Variants in MYO7A observed in about 807,000 individuals in gnomAD.
MYO7A encodes myosin VIIA.
Under a neutral mutation model 263.8 loss-of-function variants are expected in MYO7A, and 210 were observed. The observed-to-expected ratio is 0.80, with a 90% CI of 0.71 to 0.89. The LOEUF is 0.89. Among genes scored for constraint, MYO7A ranks in the 40% least tolerant of loss-of-function variants. MYO7A has a pLI of 0.00. For missense variants in MYO7A, 2,820 were observed against 2,968.3 expected (o/e 0.95, Z 1.16); for synonymous variants, 1,239 against 1,197.3 (o/e 1.03, Z -0.72).
At chr11:77,190,361 C>T (rs993166496) in intron 29 of MYO7A, among the ~76,000 whole-genome samples, 2 of 152,226 alleles carry the variant, frequency 1.3e-5, no homozygotes, top group South Asian at 2.1e-4. Context: ...ACGGTCAAGA[C>T]GACTTGGGCA....
At chr11:77,189,315 C>A in intron 27 of MYO7A, 29 bp from the exon 28 acceptor site, 1 of 1,611,312 alleles carries the variant, frequency 6.2e-7, no homozygotes, top group Non-Finnish European at 8.5e-7. Context: ...TGGGGTGATT[C>A]CCCCTCCCTT....
chr11:77,160,315 C>T, intron 11 of MYO7A, 33 bp downstream of exon 11: 1 of 1,541,040 alleles, frequency 6.5e-7, no homozygotes, highest in Non-Finnish European at 8.8e-7. Flanking sequence ...CTTGCTCGCC[C>T]TACCCCTTGG....
intron 46 of MYO7A, 136 bp from the exon 47 acceptor site, chr11:77,212,816 A>C (rs530308197): frequency 5.4e-6 from 4 of 735,524 alleles, no homozygotes; most frequent in Admixed American, 2.1e-5. Context: ...GCCATAGGTC[A>C]TGGCAGGGCC....
chr11:77,199,504 G>T, intron 34 of MYO7A, 31 bp from the exon 35 acceptor site: 2 of 1,459,284 alleles, frequency 1.4e-6, no homozygotes, highest in South Asian at 2.9e-5. Context: ...GTTGGGGCAT[G>T]ACTGACTCAA....
chr11:77,151,953 C>T (rs1457305101), intron 4 of MYO7A, among the ~76,000 whole-genome samples: 2 of 152,222 alleles, frequency 1.3e-5, no homozygotes, highest in South Asian at 2.1e-4. Flanking sequence ...CTACCCCCCA[C>T]ACATCTGCTG....
chr11:77,206,360 C>T (rs747711690), intron 41 of MYO7A, among the ~76,000 whole-genome samples, 158 bp downstream of exon 41: 9 of 152,198 alleles, frequency 5.9e-5, no homozygotes, highest in African/African-American at 1.2e-4. Flanking sequence ...CGAAGGCCAT[C>T]GACTCCCCAG....
intron 10 of MYO7A, 99 bp from the exon 11 acceptor site, chr11:77,160,064 G>A: frequency 6.8e-6 from 10 of 1,478,034 alleles, no homozygotes; most frequent in Non-Finnish European, 9.0e-6. Context: ...TGGAGGCAGT[G>A]GTCTGGGCCA....
chr11:77,190,967 C>G, intron 30 of MYO7A, 97 bp downstream of exon 30: 1 of 1,332,786 alleles, frequency 7.5e-7, no homozygotes, highest in Non-Finnish European at 1.0e-6. Context: ...GCTATTCACC[C>G]TTGAGCACCT....
In MYO7A at chr11:77,175,433, G is replaced by A. The variant is rs1555079548; in HGVS notation, c.2156G>A (p.Trp719Ter). The A allele has an allele frequency of 1.2e-6, 2 of 1,613,350 alleles. No individual in the cohort carries two copies. Among genetic ancestry groups the A allele is most frequent in the Non-Finnish European group, 1.7e-6 (2 of 1,179,878 alleles). Residue 719 changes from tryptophan to a stop codon, truncating the protein, a stop_gained, in exon 18 of 49, where the codon TGG (tryptophan) becomes TAG (stop). Transcript: ENST00000409709. LOFTEE classifies it high-confidence loss of function. ...AEAVLGTHDDWQIGKTKIFLK... is the reference protein window; with the variant it reads ...AEAVLGTHDD ...GCTGTGCTGGGCACCCACGATGACT[G>A]GCAGATAGGCAAAACCAAGATCTTT...
chr11:77,176,626 T>TA (rs1182989645), intron 18 of MYO7A, among the ~76,000 whole-genome samples: 1 of 152,104 alleles, frequency 6.6e-6, no homozygotes, highest in African/African-American at 2.4e-5. Flanking sequence ...GCCCCTGACT[T>TA]ACACTGCTAG....
intron 1 of MYO7A, 24 bp from the exon 2 acceptor site, chr11:77,130,565 A>G (rs1233391302): frequency 1.2e-4 from 184 of 1,587,950 alleles, no homozygotes; most frequent in Non-Finnish European, 1.5e-4. Flanking sequence ...GCCCAGAAGC[A>G]TGACATGGTC....
Position 77,199,743 on chromosome 11 carries a change from C to T in MYO7A, c.4777C>T (p.Leu1593=), listed in dbSNP as rs765652090. ...CAGCAATGCTGAGGACATTCGTGAC[C>T]TGGTGGTCACCTTCCTAGAGGGGCT... ...TSSNAEDIRD[L]VVTFLEGLRK... The change falls in exon 35 of 49, where the codon CTG becomes TTG. Residue 1593 remains leucine (L), a synonymous_variant. Transcript: ENST00000409709. 2.5e-5 allele frequency: 41 copies of T among 1,613,304 alleles called. 1 individual carries two copies. Among genetic ancestry groups the T allele is most frequent in the Non-Finnish European group, 3.3e-5 (39 of 1,179,608 alleles).
At chr11:77,156,550 G>A in intron 5 of MYO7A, 110 bp from the exon 6 acceptor site, 1 of 1,502,284 alleles carries the variant, frequency 6.7e-7, no homozygotes, top group Non-Finnish European at 9.1e-7. Flanking sequence ...CGTATTGTCA[G>A]CTGATATTAC....
At chr11:77,203,938 T>C in intron 38 of MYO7A, 138 bp from the exon 39 acceptor site, 1 of 946,336 alleles carries the variant, frequency 1.1e-6, no homozygotes. Context: ...GGGCAGATCA[T>C]GCCCATTTTG....
chr11:77,179,998 G>C, intron 21 of MYO7A, 45 bp downstream of exon 21: 1 of 1,487,210 alleles, frequency 6.7e-7, no homozygotes, highest in East Asian at 2.5e-5. Context: ...ACCCCTGGGC[G>C]AGGAGTGTCC....
rs370066329 is a variant in MYO7A at position 77,194,424 on chromosome 11, G to A, written c.4223G>A (p.Arg1408His). The A allele has an allele frequency of 1.4e-5, 22 of 1,612,026 alleles. No individual in the cohort carries two copies. The highest frequency in any genetic ancestry group is 3.3e-4 in the Middle Eastern group (2 of 6,078). Residue 1408 changes from arginine to histidine, a missense_variant, in exon 32 of 49, where the codon CGC (arginine) becomes CAC (histidine). Coordinates refer to ENST00000409709, the MANE Select transcript of MYO7A (RefSeq NM_000260.4). ...VDYGSEMILE[R>H]LLNLVPTYIP... ...TATGGCTCTGAGATGATCCTGGAGC[G>A]CCTCCTGAACCTCGTGCCCACCTAC...
chr11:77,147,623 G>A (rs1951664015), intron 3 of MYO7A, among the ~76,000 whole-genome samples, 175 bp from the exon 4 acceptor site: 1 of 152,092 alleles, frequency 6.6e-6, no homozygotes, highest in Non-Finnish European at 1.5e-5. Context: ...GGGTAGAGGT[G>A]GCTGGTACCA....
intron 32 of MYO7A, among the ~76,000 whole-genome samples, chr11:77,195,312 C>G (rs1047040310): frequency 1.3e-5 from 2 of 152,092 alleles, no homozygotes; most frequent in African/African-American, 4.8e-5. Context: ...CCCGAACCCC[C>G]CCGAACCCCA....
chr11:77,213,760 G>A, intron 47 of MYO7A, 100 bp from the exon 48 acceptor site: 1 of 1,550,288 alleles, frequency 6.5e-7, no homozygotes, highest in Non-Finnish European at 8.8e-7. Flanking sequence ...TCCGGCCATG[G>A]GCTCCTCTGA....
Sources: gnomAD v4.1 joint callset for allele counts (sites outside exome capture counted in the v4.1 genomes callset) on GRCh38, gnomAD v4.1.1 for gene constraint, MANE v1.5 for transcripts, NCBI Gene and HGNC (gene_info 2026-07-23, HGNC 2026-07-21) for gene names.